The following LARP1B variants were observed in gnomAD, a reference collection of about 807,000 sequenced individuals.
LARP1B encodes La ribonucleoprotein 1B.
A neutral mutation model predicts 114.2 loss-of-function variants in LARP1B; 76 were observed. That is an observed-to-expected ratio of 0.67 (90% CI 0.55 to 0.81). The LOEUF (loss-of-function observed/expected upper bound fraction) is 0.81, where lower values mean the gene tolerates loss of function less well. Among genes scored for constraint, LARP1B ranks in the 30% least tolerant of loss-of-function variants. The pLI is 0.00. For synonymous variants in LARP1B, 345 were observed against 348.0 expected (o/e 0.99, Z 0.10); for missense variants, 1,014 against 1,075.8 (o/e 0.94, Z 0.80).
Position 128,081,077 on chromosome 4 carries a change from C to CT in LARP1B, c.218-1070dup, listed in dbSNP as rs4000703. Among the ~76,000 whole-genome samples, 251 of 127,966 alleles carry CT rather than the reference C, an allele frequency of 2.0e-3. 5 individuals are homozygous for CT. Among genetic ancestry groups the CT allele is most frequent in the South Asian group, 2.2e-3 (9 of 4,004 alleles). The allele number at this position is 127,966 out of a possible 152,430, so 84.0% of individuals were successfully genotyped here. On this transcript the variant is annotated intron_variant, in intron 4 of 19. Transcript: ENST00000326639. The stretch of plus-strand genomic sequence containing the variant: ...TAAACAGGAATGTTATGTATATATA[C>CT]TTTTTTTTTTTTTTTTTTGAGACAG...
intron 12 of LARP1B, among the ~76,000 whole-genome samples, chr4:128,176,281 G>A (rs1271196122): frequency 8.8e-6 from 1 of 113,502 alleles, no homozygotes; most frequent in South Asian, 2.4e-4. Context: ...GTGTGTGTGT[G>A]TGTGTATATA....
At chr4:128,101,667 A>T (rs1045141479) in intron 8 of LARP1B, among the ~76,000 whole-genome samples, 1 of 151,300 alleles carries the variant, frequency 6.6e-6, no homozygotes, top group Non-Finnish European at 1.5e-5. Context: ...TTTAGTAGAG[A>T]TGGAGTTTCA....
rs180889963 is a variant in LARP1B at position 128,118,351 on chromosome 4, C to T, written c.1162-3475C>T. 3.0e-3 allele frequency among the ~76,000 whole-genome samples: 459 copies of T among 151,290 alleles called. 4 individuals are homozygous for T. Among genetic ancestry groups the T allele is most frequent in the African/African-American group, 0.011 (441 of 41,162 alleles). On this transcript the variant is annotated intron_variant, in intron 10 of 19. Transcript: ENST00000326639. ...GGTTCATGCCATTCTCCTGCCTCAG[C>T]CTCCCAAGTAGCTGGGACTACAGGC...
intron 8 of LARP1B, among the ~76,000 whole-genome samples, chr4:128,102,724 A>C (rs556423197): frequency 1.5e-4 from 23 of 152,032 alleles, no homozygotes; most frequent in African/African-American, 5.5e-4. Context: ...TCTTGGTTCT[A>C]TAGCTTACCA....
At chr4:128,148,448 A>G (rs549871488) in intron 11 of LARP1B, among the ~76,000 whole-genome samples, 2 of 151,988 alleles carry the variant, frequency 1.3e-5, no homozygotes, top group Non-Finnish European at 2.9e-5. Context: ...AAAAAAAAAA[A>G]GCTTCTAAAT....
rs563688755 is a variant in LARP1B at position 128,145,638 on chromosome 4, C to G, written c.1525-16556C>G. ...TTCAACTGTACTAAACTCTAAAGCA[C>G]TACCTTCTCAGCTCAGCAGGACAGT... On this transcript the variant is annotated intron_variant, in intron 11 of 19. Transcript: ENST00000326639. 1.4e-3 allele frequency among the ~76,000 whole-genome samples: 218 copies of G among 152,280 alleles called. 2 individuals are homozygous for G. The highest frequency in any genetic ancestry group is 5.0e-3 in the African/African-American group (207 of 41,564).
intron 9 of LARP1B, 174 bp downstream of exon 9, chr4:128,107,487 A>G: frequency 7.0e-7 from 1 of 1,429,234 alleles, no homozygotes; most frequent in Non-Finnish European, 9.2e-7. Context: ...GTTACAAATT[A>G]AATAAGGATT....
intron 2 of LARP1B, 31 bp downstream of exon 2, chr4:128,074,549 G>C (rs1167329529): frequency 2.6e-6 from 2 of 772,260 alleles, no homozygotes; most frequent in Non-Finnish European, 3.2e-6. Flanking sequence ...GTTCTTAACT[G>C]TATTGATTTT....
At chr4:128,129,037 C>A (rs1018007919) in intron 11 of LARP1B, among the ~76,000 whole-genome samples, 1 of 151,374 alleles carries the variant, frequency 6.6e-6, no homozygotes, top group East Asian at 1.9e-4. Context: ...TGATGGTGGG[C>A]GCCTGTAGTC....
In LARP1B at chr4:128,091,439, TATG is replaced by T. The variant is rs1775882294; in HGVS notation, c.602_604del (p.Asp201del). 1 of 1,609,528 alleles carries T rather than the reference TATG, an allele frequency of 6.2e-7. No homozygotes were observed. The highest frequency in any genetic ancestry group is 1.3e-5 in the African/African-American group (1 of 74,830). ...ACTTAATACCAGTATGATGTATTACTATGATGATGGTACAGGTGTACAGGTGTA... is the reference window on the plus strand; with the variant it reads ...ACTTAATACCAGTATGATGTATTACTATGATGGTACAGGTGTACAGGTGTA... On this transcript the variant is annotated inframe_deletion, in exon 7 of 20. Coordinates refer to ENST00000326639, the MANE Select transcript of LARP1B (RefSeq NM_018078.4).
intron 17 of LARP1B, among the ~76,000 whole-genome samples, chr4:128,203,022 A>G (rs1483151886): frequency 6.6e-6 from 1 of 151,646 alleles, no homozygotes; most frequent in Non-Finnish European, 1.5e-5. Flanking sequence ...ACATGGCAAA[A>G]CCCCGTCTCT....
rs1260797322 is a variant in LARP1B at position 128,166,964 on chromosome 4, CTCTCTCTATA to C, written c.1648+4649_1648+4658del. On this transcript the variant is annotated intron_variant, in intron 12 of 19. Transcript: ENST00000326639. ...TCTCTCTCTCTCTCTCTCTCTCTCTCTCTCTCTATATATATATATATATATATATACACAC... is the reference window on the plus strand; with the variant it reads ...TCTCTCTCTCTCTCTCTCTCTCTCTCTATATATATATATATATATACACAC... Among the ~76,000 whole-genome samples, 379 of 96,616 alleles carry C rather than the reference CTCTCTCTATA, an allele frequency of 3.9e-3. 1 individual carries two copies. The highest frequency in any genetic ancestry group is 0.018 in the East Asian group (54 of 3,028). The allele number at this position is 96,616 out of a possible 152,430, so 63.4% of individuals were successfully genotyped here.
chr4:128,134,656 C>G (rs1200180183), intron 11 of LARP1B, among the ~76,000 whole-genome samples: 3 of 151,944 alleles, frequency 2.0e-5, no homozygotes, highest in Admixed American at 6.6e-5. Flanking sequence ...AGTAGGCAAC[C>G]TATGGAATGC....
chr4:128,118,846 G>C (rs1353389905), intron 10 of LARP1B, among the ~76,000 whole-genome samples: 1 of 147,786 alleles, frequency 6.8e-6, no homozygotes, highest in African/African-American at 2.5e-5. Flanking sequence ...CATCTAGTGG[G>C]CTGTTTTGTT....
intron 12 of LARP1B, among the ~76,000 whole-genome samples, chr4:128,170,816 T>G (rs1038208991): frequency 2.0e-5 from 3 of 151,786 alleles, no homozygotes; most frequent in African/African-American, 7.2e-5. Flanking sequence ...CTAATGTAAT[T>G]ATTGGTATGT....
intron 15 of LARP1B, among the ~76,000 whole-genome samples, chr4:128,192,958 G>A (rs192633143): frequency 6.6e-6 from 1 of 151,866 alleles, no homozygotes; most frequent in Non-Finnish European, 1.5e-5. Context: ...TTAACCTCAA[G>A]TATCTGGGAC....
At chr4:128,198,275 A>G (rs930840838) in intron 15 of LARP1B, among the ~76,000 whole-genome samples, 2 of 152,226 alleles carry the variant, frequency 1.3e-5, no homozygotes, top group African/African-American at 2.4e-5. Flanking sequence ...GAAATTTACC[A>G]TCTTAACAGT....
chr4:128,107,157 G>A lies in LARP1B; in HGVS notation c.832G>A (p.Glu278Lys), dbSNP rs200837138. The A allele has an allele frequency of 6.2e-7, 1 of 1,614,020 alleles. No homozygotes were observed. Among genetic ancestry groups the A allele is most frequent in the Non-Finnish European group, 8.5e-7 (1 of 1,179,914 alleles). The change falls in exon 9 of 20, where the codon GAA becomes AAA. Residue 278 changes from glutamate to lysine, a missense_variant. Physicochemically the swap from Glu to Lys is moderately conservative, Grantham distance 56. Coordinates refer to ENST00000326639, the MANE Select transcript of LARP1B (RefSeq NM_018078.4). ...TTAATAGGCACTGAAGGATAGCACA[G>A]AAGTAGAAATTGTGGATGAGAAAAT... ...LILEALKDSTEVEIVDEKMRK... is the reference protein window; with the variant it reads ...LILEALKDSTKVEIVDEKMRK...
chr4:128,066,280 T>C (rs1400675620), intron 1 of LARP1B, among the ~76,000 whole-genome samples: 1 of 146,200 alleles, frequency 6.8e-6, no homozygotes, highest in Non-Finnish European at 1.5e-5. Context: ...GGGTTCACAC[T>C]GTTCTCCTGC....
Sources: gnomAD v4.1 joint callset for allele counts (sites outside exome capture counted in the v4.1 genomes callset) on GRCh38, gnomAD v4.1.1 for gene constraint, MANE v1.5 for transcripts, NCBI Gene and HGNC (gene_info 2026-07-23, HGNC 2026-07-21) for gene names.